Variants in PRKCH observed in about 807,000 individuals in gnomAD.
The protein encoded by PRKCH is protein kinase C eta.
Under a neutral mutation model 82.5 loss-of-function variants are expected in PRKCH, and 28 were observed. That is an observed-to-expected ratio of 0.34 (90% CI 0.25 to 0.47). PRKCH has a LOEUF of 0.47. Ranked by LOEUF, PRKCH falls within the 20% of genes least tolerant of loss-of-function variation. The probability of loss-of-function intolerance (pLI) is 1.00; values close to 1 mark genes in which losing one functional copy is unlikely to be tolerated. For synonymous variants in PRKCH, 322 were observed against 327.4 expected (o/e 0.98, Z 0.18); for missense variants, 705 against 881.8 (o/e 0.80, Z 2.54).
At chr14:61,392,347 A>G (rs1223462214) in intron 2 of PRKCH, among the ~76,000 whole-genome samples, 1 of 152,226 alleles carries the variant, frequency 6.6e-6, no homozygotes, top group Non-Finnish European at 1.5e-5. Flanking sequence ...GATGGTTTCC[A>G]AAGTGGTTTT....
rs1426656503 is a variant in PRKCH at position 61,449,215 on chromosome 14, G to T, written c.665G>T (p.Cys222Phe). 1 of 1,614,048 alleles carries T rather than the reference G, an allele frequency of 6.2e-7. No individual in the cohort carries two copies. Among genetic ancestry groups the T allele is most frequent in the South Asian group, 1.1e-5 (1 of 91,080 alleles). The stretch of plus-strand genomic sequence containing the variant: ...TGCCATCATCTAATTGTTACAGCCT[G>T]TACTTGCCAAAACAATATTAACAAA... Reference protein sequence around the residue: ...KRCHHLIVTACTCQNNINKVD... With the variant: ...KRCHHLIVTAFTCQNNINKVD... The change falls in exon 5 of 14, where the codon TGT (cysteine) becomes TTT (phenylalanine). Residue 222 changes from cysteine (C) to phenylalanine (F), a missense_variant. By Grantham distance (205) the Cys-to-Phe change is radical. Around this residue, in one of 5 missense-constraint regions of PRKCH, gnomAD observed 246 missense variants for 308.0 expected, o/e 0.80. Transcript: ENST00000332981.
At chr14:61,474,954 T>C (rs944583414) in intron 9 of PRKCH, among the ~76,000 whole-genome samples, 1 of 152,208 alleles carries the variant, frequency 6.6e-6, no homozygotes, top group Admixed American at 6.5e-5. Flanking sequence ...GAGGCAGATA[T>C]GGCATATTCT....
At chr14:61,505,299 T>C (rs1394193689) in intron 10 of PRKCH, among the ~76,000 whole-genome samples, 2 of 151,786 alleles carry the variant, frequency 1.3e-5, no homozygotes, top group Non-Finnish European at 2.9e-5. Context: ...AGGGCCTGTT[T>C]CTTGGTTCAC....
intron 2 of PRKCH, among the ~76,000 whole-genome samples, chr14:61,441,906 T>A (rs1883994932): frequency 6.6e-6 from 1 of 152,076 alleles, no homozygotes; most frequent in Non-Finnish European, 1.5e-5. Flanking sequence ...TGCCTCAGCC[T>A]CCCAAAGTGT....
At chr14:61,529,654 A>G (rs970578597) in intron 11 of PRKCH, among the ~76,000 whole-genome samples, 3 of 149,080 alleles carry the variant, frequency 2.0e-5, no homozygotes, top group African/African-American at 7.5e-5. Context: ...CTATCGCAAG[A>G]ACAAAAAACC....
upstream of PRKCH, among the ~76,000 whole-genome samples, chr14:61,317,203 G>A (rs532560651): frequency 1.1e-4 from 16 of 152,142 alleles, no homozygotes; most frequent in Admixed American, 3.9e-4. Context: ...CTCTCTCCTC[G>A]GTGTTGCTTA....
At chr14:61,262,866 C>G (rs2045062174) in intron 1 of PRKCH, among the ~76,000 whole-genome samples, 1 of 152,080 alleles carries the variant, frequency 6.6e-6, no homozygotes, top group Admixed American at 6.5e-5. Flanking sequence ...TAGAAATACC[C>G]AGCCATTTAC....
chr14:61,386,605 C>T (rs573943602), intron 1 of PRKCH, among the ~76,000 whole-genome samples: 2 of 152,030 alleles, frequency 1.3e-5, no homozygotes, highest in African/African-American at 2.4e-5. Context: ...GGGTGGTGTC[C>T]TGGAAGTAAG....
intron 10 of PRKCH, among the ~76,000 whole-genome samples, chr14:61,506,005 T>A (rs1304871327): frequency 6.6e-6 from 1 of 152,074 alleles, no homozygotes; most frequent in African/African-American, 2.4e-5. Flanking sequence ...TGCATTTGGC[T>A]CTGGTCACAT....
rs564744582 is a variant in PRKCH, at chr14:61,472,006, A to G, written c.1279-13496A>G. 8.5e-5 allele frequency among the ~76,000 whole-genome samples: 13 copies of G among 152,308 alleles called. No individual in the cohort carries two copies. The East Asian group carries it at 1.7e-3, about 20-fold the overall frequency. On this transcript the variant is annotated intron_variant, in intron 9 of 13. Transcript: ENST00000332981. ...TTTTTTCTGAGTTTGTAGAAAGGCA[A>G]AGTTCCTGTTGGGGGCTCATTACAG...
chr14:61,378,405 T>C (rs1254829892), intron 1 of PRKCH, among the ~76,000 whole-genome samples: 1 of 151,958 alleles, frequency 6.6e-6, no homozygotes, highest in Non-Finnish European at 1.5e-5. Flanking sequence ...TGGGGTCTTA[T>C]TTTGTTGCTT....
chr14:61,432,640 G>A (rs1883462994), intron 2 of PRKCH, among the ~76,000 whole-genome samples: 1 of 152,250 alleles, frequency 6.6e-6, no homozygotes, highest in South Asian at 2.1e-4. Context: ...CAGCAGTAAC[G>A]CTAGTTTCAC....
At chr14:61,513,070 GA>G (rs760097403) in intron 10 of PRKCH, among the ~76,000 whole-genome samples, 2 of 152,106 alleles carry the variant, frequency 1.3e-5, no homozygotes, top group Non-Finnish European at 2.9e-5. Flanking sequence ...CTGAGAGCTG[GA>G]AAAGGAACAG....
intron 2 of PRKCH, among the ~76,000 whole-genome samples, chr14:61,413,812 C>T (rs2140236325): frequency 6.6e-6 from 1 of 152,246 alleles, no homozygotes; most frequent in South Asian, 2.1e-4. Flanking sequence ...CTTCCAGCCG[C>T]TACTTAAGCT....
intron 2 of PRKCH, among the ~76,000 whole-genome samples, chr14:61,439,227 T>A (rs1262081904): frequency 6.6e-6 from 1 of 152,112 alleles, no homozygotes; most frequent in African/African-American, 2.4e-5. Context: ...CAGGAGGCGG[T>A]GCAAACAATG....
intron 2 of PRKCH, among the ~76,000 whole-genome samples, chr14:61,420,894 T>A (rs550030149): frequency 5.3e-5 from 8 of 152,146 alleles, no homozygotes; most frequent in African/African-American, 1.2e-4. Flanking sequence ...GAGGAGTGGG[T>A]AACTTGCTTA....
At chr14:61,226,242 G>A (rs964451165) in intron 1 of PRKCH, among the ~76,000 whole-genome samples, 13 of 152,138 alleles carry the variant, frequency 8.5e-5, no homozygotes, top group African/African-American at 2.7e-4. Context: ...TCATCTTAAA[G>A]AGCATGAAAA....
At chr14:61,549,146 G>A (rs551317051) in intron 13 of PRKCH, among the ~76,000 whole-genome samples, 1 of 152,288 alleles carries the variant, frequency 6.6e-6, no homozygotes, top group South Asian at 2.1e-4. Flanking sequence ...AGTCCTAACT[G>A]CACAGCTGGT....
intron 1 of PRKCH, among the ~76,000 whole-genome samples, chr14:61,252,553 A>G (rs1266478883): frequency 6.6e-6 from 1 of 152,206 alleles, no homozygotes; most frequent in Non-Finnish European, 1.5e-5. Context: ...GGGATGAGAT[A>G]TCTGGCTGAG....
Sources: gnomAD v4.1 joint callset for allele counts (sites outside exome capture counted in the v4.1 genomes callset) on GRCh38, gnomAD v4.1.1 for gene constraint, gnomAD v4.1.1 regional missense constraint, MANE v1.5 for transcripts, NCBI Gene and HGNC (gene_info 2026-07-23, HGNC 2026-07-21) for gene names.